RBFOX1: variants seen among roughly 807,000 people sequenced by gnomAD.
RBFOX1 encodes the protein RNA binding fox-1 homolog 1, also known as RNA binding protein fox-1 homolog 1.
A neutral mutation model predicts 57.7 loss-of-function variants in RBFOX1; 8 were observed. That is an observed-to-expected ratio of 0.14 (90% CI 0.08 to 0.25). The LOEUF is 0.25. RBFOX1 is among the 10% of genes least tolerant of loss of function. The pLI is 1.00. For missense variants in RBFOX1, 611 were observed against 548.5 expected, an observed-to-expected ratio of 1.11 and a Z score of -1.14; for synonymous variants, 326 against 222.4, an observed-to-expected ratio of 1.47 and a Z score of -4.15.
At chr16:6,133,308 G>T (rs751314501) in intron 1 of RBFOX1, among the ~76,000 whole-genome samples, 8 of 152,284 alleles carry the variant, frequency 5.3e-5, no homozygotes, top group African/African-American at 1.9e-4. Context: ...TGGCTTCCAC[G>T]TTGCTCTCTC....
At chr16:7,180,779 C>G (rs760462083) in intron 4 of RBFOX1, among the ~76,000 whole-genome samples, 1 of 150,726 alleles carries the variant, frequency 6.6e-6, no homozygotes, top group African/African-American at 2.4e-5. Flanking sequence ...AAAATATTAC[C>G]ACAGGGAAAG....
intron 4 of RBFOX1, among the ~76,000 whole-genome samples, chr16:7,478,335 T>C (rs2063163933): frequency 1.3e-5 from 2 of 152,288 alleles, no homozygotes; most frequent in East Asian, 1.9e-4. Flanking sequence ...AAGAGGAAGA[T>C]AGACTTTACT....
intron 4 of RBFOX1, among the ~76,000 whole-genome samples, chr16:7,406,284 T>C (rs1391453764): frequency 2.0e-5 from 3 of 152,186 alleles, no homozygotes; most frequent in Admixed American, 1.3e-4. Flanking sequence ...CCAAATACCT[T>C]GTTCATACGG....
At chr16:7,597,581 C>G (rs939439015) in intron 9 of RBFOX1, 150 bp downstream of exon 9, 1 of 611,636 alleles carries the variant, frequency 1.6e-6, no homozygotes, top group Admixed American at 3.6e-5. Flanking sequence ...CCACCTACAT[C>G]AATAAGATCA....
intron 3 of RBFOX1, among the ~76,000 whole-genome samples, chr16:6,692,104 T>C (rs953533220): frequency 3.3e-5 from 5 of 152,186 alleles, no homozygotes; most frequent in African/African-American, 1.2e-4. Context: ...AAACGAGTAG[T>C]TATTTTAAGT....
rs185013511 is a variant in RBFOX1 at position 6,379,013 on chromosome 16, G to A, written c.-64+61956G>A. On this transcript the variant is annotated intron_variant, in intron 2 of 15. Coordinates refer to ENST00000550418, the MANE Select transcript of RBFOX1 (RefSeq NM_018723.4). Reference sequence around the variant, plus strand: ...TTAGACATAGAAGAGAGCTCTTCACGTGGGAGGTGAGGAGAATCGGTGTTG... The same window carrying A: ...TTAGACATAGAAGAGAGCTCTTCACATGGGAGGTGAGGAGAATCGGTGTTG... Among the ~76,000 whole-genome samples the A allele has an allele frequency of 2.7e-3, 411 of 152,270 alleles. 1 individual carries two copies. The highest frequency in any genetic ancestry group is 4.9e-3 in the Non-Finnish European group (332 of 68,024).
chr16:7,701,618 A>C (rs1468777763), intron 14 of RBFOX1, among the ~76,000 whole-genome samples: 1 of 152,116 alleles, frequency 6.6e-6, no homozygotes, highest in Admixed American at 6.5e-5. Context: ...GTGTTTAGGG[A>C]CTGGTTTAGT....
At chr16:5,766,329 G>A (rs1353435600) in intron 3 of RBFOX1, among the ~76,000 whole-genome samples, 1 of 152,140 alleles carries the variant, frequency 6.6e-6, no homozygotes, top group Non-Finnish European at 1.5e-5. Flanking sequence ...GCTCACGCCT[G>A]TAATCACAGC....
chr16:5,299,541 A>C (rs1596450217), intron 1 of RBFOX1, among the ~76,000 whole-genome samples: 1 of 152,240 alleles, frequency 6.6e-6, no homozygotes, highest in South Asian at 2.1e-4. Flanking sequence ...CACCATTCTG[A>C]CAAGCCACGT....
intron 4 of RBFOX1, among the ~76,000 whole-genome samples, chr16:7,471,368 T>A (rs918507754): frequency 6.6e-6 from 1 of 152,218 alleles, no homozygotes; most frequent in Non-Finnish European, 1.5e-5. Flanking sequence ...TAATTTTTTT[T>A]AATGTACATA....
chr16:5,368,995 C>G (rs2065794394), intron 1 of RBFOX1, among the ~76,000 whole-genome samples: 1 of 152,106 alleles, frequency 6.6e-6, no homozygotes, highest in Non-Finnish European at 1.5e-5. Flanking sequence ...AAATGAAGAC[C>G]ACAGTGGTTT....
chr16:7,587,978 A>C (rs1567972444), intron 7 of RBFOX1, among the ~76,000 whole-genome samples: 3 of 152,304 alleles, frequency 2.0e-5, no homozygotes, highest in East Asian at 3.9e-4. Context: ...CAGGAGCTCA[A>C]GAGCAACCTG....
intron 1 of RBFOX1, chr16:5,467,174 T>C: frequency 1.6e-6 from 2 of 1,264,274 alleles, no homozygotes; most frequent in Non-Finnish European, 2.1e-6. Context: ...TCAATGTTTC[T>C]TCTCTCTCTC....
intron 4 of RBFOX1, among the ~76,000 whole-genome samples, chr16:5,979,689 C>T (rs560515530): frequency 6.6e-6 from 1 of 152,118 alleles, no homozygotes; most frequent in South Asian, 2.1e-4. Flanking sequence ...TGGTGAAACC[C>T]CATCTCTACT....
At chr16:5,283,949 T>C (rs1198345277) in intron 1 of RBFOX1, among the ~76,000 whole-genome samples, 1 of 152,156 alleles carries the variant, frequency 6.6e-6, no homozygotes, top group Non-Finnish European at 1.5e-5. Flanking sequence ...ATGGTTTGGC[T>C]GTGTCCCCAC....
chr16:7,667,594 C>T (rs2069789027), intron 13 of RBFOX1, among the ~76,000 whole-genome samples: 3 of 152,122 alleles, frequency 2.0e-5, no homozygotes, highest in African/African-American at 2.4e-5. Context: ...AAAAGTAGTA[C>T]ACAATAAATA....
intron 4 of RBFOX1, among the ~76,000 whole-genome samples, chr16:5,939,573 A>T (rs2152262886): frequency 6.6e-6 from 1 of 152,358 alleles, no homozygotes; most frequent in Admixed American, 6.5e-5. Context: ...GAGAAGGTAA[A>T]GAAGAAATCA....
At chr16:7,631,358 C>T (rs948314732) in intron 11 of RBFOX1, among the ~76,000 whole-genome samples, 1 of 152,198 alleles carries the variant, frequency 6.6e-6, no homozygotes, top group African/African-American at 2.4e-5. Context: ...ACAACATTGA[C>T]ATGGAAGAAC....
chr16:6,349,443 C>A (rs892338332), intron 2 of RBFOX1, among the ~76,000 whole-genome samples: 7 of 152,092 alleles, frequency 4.6e-5, no homozygotes, highest in African/African-American at 1.7e-4. Context: ...TAAAATAAAG[C>A]TACCCCATAG....
Sources: allele counts gnomAD v4.1 joint callset (sites outside exome capture counted in the v4.1 genomes callset), GRCh38; gene constraint gnomAD v4.1.1; transcripts MANE v1.5; gene names NCBI Gene and HGNC (gene_info 2026-07-23, HGNC 2026-07-21).